Variants in TRPC3 observed in about 807,000 individuals in gnomAD.
The protein encoded by TRPC3 is transient receptor potential cation channel subfamily C member 3.
Under a neutral mutation model 90.9 loss-of-function variants are expected in TRPC3, and 54 were observed. That is an observed-to-expected ratio of 0.59 (90% CI 0.48 to 0.75). The LOEUF is 0.75. TRPC3 is among the 30% of genes least tolerant of loss of function. The pLI, the probability that TRPC3 is intolerant of heterozygous loss-of-function variation, is 0.00. For missense variants in TRPC3, 918 were observed against 1,194.5 expected (o/e 0.77, Z 3.41); for synonymous variants, 424 against 450.9 (o/e 0.94, Z 0.75).
chr4:121,919,289 G>A (rs1275555817), intron 3 of TRPC3, among the ~76,000 whole-genome samples: 1 of 152,156 alleles, frequency 6.6e-6, no homozygotes, highest in African/African-American at 2.4e-5. Flanking sequence ...CTGTCTTCAT[G>A]GGAATACTGT....
At chr4:121,901,401 C>T (rs1728693226) in intron 9 of TRPC3, among the ~76,000 whole-genome samples, 1 of 152,110 alleles carries the variant, frequency 6.6e-6, no homozygotes, top group African/African-American at 2.4e-5. Context: ...CATGAGGCAT[C>T]CAGGTGCCGC....
intron 10 of TRPC3, among the ~76,000 whole-genome samples, chr4:121,893,977 A>G (rs1343616632): frequency 6.6e-6 from 1 of 152,188 alleles, no homozygotes; most frequent in Non-Finnish European, 1.5e-5. Context: ...AGGTGCTCTC[A>G]TATATTTATT....
intron 1 of TRPC3, among the ~76,000 whole-genome samples, chr4:121,946,415 G>T (rs1023893778): frequency 3.3e-5 from 5 of 152,116 alleles, no homozygotes; most frequent in Non-Finnish European, 7.4e-5. Flanking sequence ...ACAAGGACAC[G>T]ATGTGACAAA....
intron 2 of TRPC3, among the ~76,000 whole-genome samples, chr4:121,928,653 G>A (rs1283614349): frequency 2.0e-5 from 3 of 152,138 alleles, no homozygotes; most frequent in African/African-American, 4.8e-5. Flanking sequence ...TATTACCACA[G>A]CCCTCCACAG....
intron 6 of TRPC3, among the ~76,000 whole-genome samples, chr4:121,908,071 G>A (rs973572494): frequency 6.6e-6 from 1 of 152,096 alleles, no homozygotes; most frequent in Admixed American, 6.6e-5. Flanking sequence ...TGGTGCTGAC[G>A]ATGTGTTATC....
Position 121,933,057 on chromosome 4 carries a change from C to A in TRPC3, c.216-15G>T, listed in dbSNP as rs776769957. On this transcript the variant is annotated splice_polypyrimidine_tract_variant and intron_variant, in intron 1 of 11. Coordinates refer to ENST00000379645, the MANE Select transcript of TRPC3 (RefSeq NM_001130698.2). Reference sequence around the variant, plus strand: ...CCTCCATGGACCTAATCAGTAGCAACGATAAAACAACTGTAGAATATTAGG... The same window carrying A: ...CCTCCATGGACCTAATCAGTAGCAAAGATAAAACAACTGTAGAATATTAGG... The A allele has an allele frequency of 2.0e-6, 3 of 1,538,308 alleles. No individual in the cohort carries two copies. Among genetic ancestry groups the A allele is most frequent in the Non-Finnish European group, 2.6e-6 (3 of 1,142,512 alleles).
Position 121,877,778 on chromosome 4 carries a change from C to A in TRPC3, c.*1958G>T, listed in dbSNP as rs1266662965. Among the ~76,000 whole-genome samples, 89 of 119,558 alleles carry A rather than the reference C, an allele frequency of 7.4e-4. No individual in the cohort carries two copies. Among genetic ancestry groups the A allele is most frequent in the Non-Finnish European group, 1.0e-3 (56 of 56,274 alleles). The allele number at this position is 119,558 out of a possible 152,430, so 78.4% of individuals were successfully genotyped here. ...GCTCTACAGTTGTGAGGGGCATGGA[C>A]AAAAAAAAAAAAAAAAAAAAGTCAG... On this transcript the variant is annotated 3_prime_UTR_variant, in exon 12 of 12. Coordinates refer to ENST00000379645, the MANE Select transcript of TRPC3 (RefSeq NM_001130698.2).
At chr4:121,914,990 A>AC in intron 3 of TRPC3, 46 bp from the exon 4 acceptor site, 1 of 1,519,964 alleles carries the variant, frequency 6.6e-7, no homozygotes, top group Non-Finnish European at 9.0e-7. Flanking sequence ...AAGGTAAGTT[A>AC]CCATACCATT....
rs1727742083 is a variant in TRPC3, at chr4:121,875,646, A to C, written c.*4090T>G. ...AATTTGCAGAATTACCATGCACCTC[A>C]GTAATTTATAACCTTATGTTATGGT... On this transcript the variant is annotated 3_prime_UTR_variant, in exon 12 of 12. Coordinates refer to ENST00000379645, the MANE Select transcript of TRPC3 (RefSeq NM_001130698.2). Among the ~76,000 whole-genome samples the C allele has an allele frequency of 6.6e-6, 1 of 150,976 alleles. No homozygotes were observed. The highest frequency in any genetic ancestry group is 2.4e-5 in the African/African-American group (1 of 41,386).
intron 9 of TRPC3, among the ~76,000 whole-genome samples, chr4:121,901,862 G>A (rs1001012324): frequency 3.3e-5 from 5 of 152,040 alleles, no homozygotes; most frequent in African/African-American, 1.2e-4. Flanking sequence ...TTTAAATCAT[G>A]GGCTGTCACA....
intron 3 of TRPC3, among the ~76,000 whole-genome samples, chr4:121,922,684 T>C (rs76003651): frequency 0.04 from 6,111 of 152,234 alleles, 409 homozygotes; most frequent in African/African-American, 0.14. Context: ...CCAGTGACAA[T>C]TGAAATCAAT....
intron 1 of TRPC3, among the ~76,000 whole-genome samples, chr4:121,942,018 A>G (rs1730335593): frequency 6.6e-6 from 1 of 152,180 alleles, no homozygotes; most frequent in Admixed American, 6.5e-5. Flanking sequence ...ATAGAGCTCA[A>G]TAATACATTG....
chr4:121,892,433 A>T (rs1578603301), intron 10 of TRPC3, among the ~76,000 whole-genome samples: 2 of 152,336 alleles, frequency 1.3e-5, no homozygotes, highest in Non-Finnish European at 1.5e-5. Flanking sequence ...TGGAATGTAG[A>T]AATAATAGGC....
intron 4 of TRPC3, among the ~76,000 whole-genome samples, chr4:121,913,238 G>A (rs1418345565): frequency 5.9e-5 from 9 of 152,146 alleles, no homozygotes; most frequent in Admixed American, 2.0e-4. Flanking sequence ...TAGCTTATCC[G>A]TAGCACATAG....
At chr4:121,950,702 G>A (rs1445205369) in intron 1 of TRPC3, 1 of 152,258 alleles carries the variant, frequency 6.6e-6, no homozygotes, top group Non-Finnish European at 1.5e-5. Context: ...AAGAGAAAAA[G>A]AGAGCCCGCG....
Position 121,911,860 on chromosome 4 carries a change from T to G in TRPC3, c.1558+17A>C. On this transcript the variant is annotated intron_variant, in intron 5 of 11. Transcript: ENST00000379645. ...ACCTTTTGGTAGAAATTAGGATATT[T>G]AAAATAAAAGACTTACCAAGAACCC... The G allele has an allele frequency of 6.3e-7, 1 of 1,591,908 alleles. No homozygotes were observed. Among genetic ancestry groups the G allele is most frequent in the Non-Finnish European group, 8.6e-7 (1 of 1,169,132 alleles).
intron 3 of TRPC3, among the ~76,000 whole-genome samples, chr4:121,919,588 G>A (rs757869474): frequency 8.5e-5 from 13 of 152,282 alleles, no homozygotes; most frequent in Middle Eastern, 3.4e-3. Context: ...CAGCACACCC[G>A]TTCCAACGTC....
At chr4:121,926,352 T>G (rs1030114354) in intron 2 of TRPC3, among the ~76,000 whole-genome samples, 1 of 152,190 alleles carries the variant, frequency 6.6e-6, no homozygotes, top group Non-Finnish European at 1.5e-5. Context: ...CCATGTCACT[T>G]GTATTTCCAC....
At position 121,932,361 on chromosome 4, in the gene TRPC3, G is replaced by A. The variant is rs892467193; in HGVS notation, c.897C>T (p.Tyr299=). 1 of 1,614,176 alleles carries A rather than the reference G, an allele frequency of 6.2e-7. No homozygotes were observed. The highest frequency in any genetic ancestry group is 8.5e-7 in the Non-Finnish European group (1 of 1,180,024). ...NAYKGLASPA[Y]LSLSSEDPVL... is the part of the protein sequence containing the mutation. ...CCGGGTCCTCGCTGGACAATGAGAG[G>A]TAAGCCGGGCTGGCCAGCCCCTTGT... The change falls in exon 2 of 12, where the codon TAC becomes TAT. Residue 299 remains tyrosine, a synonymous_variant. Transcript: ENST00000379645. The surrounding 1 kb of genome is among the most constrained non-coding windows in gnomAD (Gnocchi z 7.7).
Sources: gnomAD v4.1 joint callset for allele counts (sites outside exome capture counted in the v4.1 genomes callset) on GRCh38, gnomAD v4.1.1 for gene constraint, Gnocchi (gnomAD v3.1) non-coding constraint, MANE v1.5 for transcripts, NCBI Gene and HGNC (gene_info 2026-07-23, HGNC 2026-07-21) for gene names.